The following CNTN5 variants were observed in gnomAD, a reference collection of about 807,000 sequenced individuals.
CNTN5 encodes the protein contactin 5.
A neutral mutation model predicts 129.1 loss-of-function variants in CNTN5; 77 were observed. That is an observed-to-expected ratio of 0.60 (90% CI 0.50 to 0.72). CNTN5 has a LOEUF of 0.72. Among genes scored for constraint, CNTN5 ranks in the 30% least tolerant of loss-of-function variants. The probability of loss-of-function intolerance (pLI) is 0.00; values close to 1 mark genes in which losing one functional copy is unlikely to be tolerated. For synonymous variants in CNTN5, 509 were observed against 465.6 expected, an observed-to-expected ratio of 1.09 and a Z score of -1.20; for missense variants, 1,478 against 1,328.8, an observed-to-expected ratio of 1.11 and a Z score of -1.75.
chr11:99,660,890 T>C (rs1565400512), intron 3 of CNTN5, among the ~76,000 whole-genome samples: 4 of 151,932 alleles, frequency 2.6e-5, no homozygotes. Flanking sequence ...ATTAATATAC[T>C]ATATAAGATT....
At chr11:100,102,943 A>G (rs911538358) in intron 13 of CNTN5, among the ~76,000 whole-genome samples, 5 of 152,226 alleles carry the variant, frequency 3.3e-5, no homozygotes, top group African/African-American at 9.6e-5. Flanking sequence ...TCTTACTCTC[A>G]CCCAATATGA....
intron 2 of CNTN5, among the ~76,000 whole-genome samples, chr11:99,415,383 G>C (rs1227446547): frequency 6.6e-6 from 1 of 152,130 alleles, no homozygotes; most frequent in Non-Finnish European, 1.5e-5. Flanking sequence ...AGGCTTGTCT[G>C]TTCAGCTTCT....
chr11:99,042,955 T>C (rs1003605423), intron 1 of CNTN5, among the ~76,000 whole-genome samples: 3 of 148,586 alleles, frequency 2.0e-5, no homozygotes, highest in Non-Finnish European at 4.4e-5. Flanking sequence ...GATCTATAGC[T>C]CTCTTTGTTG....
intron 1 of CNTN5, among the ~76,000 whole-genome samples, chr11:99,128,266 G>A (rs557762524): frequency 1.3e-5 from 2 of 152,248 alleles, no homozygotes; most frequent in East Asian, 1.9e-4. Context: ...AGGGGTGACC[G>A]CCACTACTGT....
Position 99,271,819 on chromosome 11 carries a change from T to C in CNTN5, c.-209-53527T>C, listed in dbSNP as rs1052080331. 4.6e-5 allele frequency among the ~76,000 whole-genome samples: 7 copies of C among 151,954 alleles called. No homozygotes were observed. The East Asian group carries it at 1.4e-3, about 30-fold the overall frequency. ...TAGCTTGAGTGTCCTCAGTGCTTAG[T>C]AGCTGCCTTGCCCAGACTGACTGAT... On this transcript the variant is annotated intron_variant, in intron 1 of 24. Coordinates refer to ENST00000524871, the MANE Select transcript of CNTN5 (RefSeq NM_014361.4).
chr11:99,119,395 G>A (rs371196538), intron 1 of CNTN5, among the ~76,000 whole-genome samples: 64 of 152,102 alleles, frequency 4.2e-4, no homozygotes, highest in African/African-American at 1.2e-3. Flanking sequence ...ACGGTTTTTG[G>A]TTTTCTGTTG....
At chr11:99,883,198 T>C (rs11221749) in intron 6 of CNTN5, among the ~76,000 whole-genome samples, 22,142 of 152,196 alleles carry the variant, frequency 0.15, 2,990 homozygotes, top group East Asian at 0.71. Context: ...CAGATGTCAC[T>C]TTGACATACT....
intron 3 of CNTN5, among the ~76,000 whole-genome samples, chr11:99,717,060 G>A (rs1300806714): frequency 2.0e-5 from 3 of 151,732 alleles, no homozygotes; most frequent in African/African-American, 7.3e-5. Flanking sequence ...TTTTCCTTTT[G>A]CTTTTTACTC....
At chr11:99,049,632 C>G (rs957481997) in intron 1 of CNTN5, 3 of 152,064 alleles carry the variant, frequency 2.0e-5, no homozygotes, top group Non-Finnish European at 4.4e-5. Context: ...CAGGACCCTC[C>G]CCAGCAATGG....
intron 1 of CNTN5, among the ~76,000 whole-genome samples, chr11:99,095,290 T>C: frequency 6.6e-6 from 1 of 151,986 alleles, no homozygotes; most frequent in East Asian, 1.9e-4. Flanking sequence ...CATCCACTAT[T>C]ACCTCTACTC....
intron 21 of CNTN5, among the ~76,000 whole-genome samples, chr11:100,329,216 G>T (rs966396072): frequency 2.6e-5 from 4 of 152,122 alleles, no homozygotes; most frequent in Admixed American, 6.5e-5. Flanking sequence ...AATCCCCTTG[G>T]GAATATAACT....
At chr11:99,675,848 G>GTATA (rs1953257287) in intron 3 of CNTN5, among the ~76,000 whole-genome samples, 1 of 152,070 alleles carries the variant, frequency 6.6e-6, no homozygotes, top group Admixed American at 6.6e-5. Flanking sequence ...TGTTACCTTA[G>GTATA]TATATCATTT....
chr11:99,403,951 G>A (rs1442634946), intron 2 of CNTN5, among the ~76,000 whole-genome samples: 1 of 152,084 alleles, frequency 6.6e-6, no homozygotes, highest in Non-Finnish European at 1.5e-5. Context: ...TAAAAGTGGG[G>A]TGTTTAAGTC....
chr11:99,416,622 C>T (rs540596534), intron 2 of CNTN5, among the ~76,000 whole-genome samples: 60 of 152,018 alleles, frequency 3.9e-4, no homozygotes, highest in African/African-American at 1.3e-3. Flanking sequence ...TATCTGGGGC[C>T]GGTGTCATGG....
At chr11:99,951,166 C>G (rs1395020868) in intron 7 of CNTN5, among the ~76,000 whole-genome samples, 1 of 151,568 alleles carries the variant, frequency 6.6e-6, no homozygotes, top group African/African-American at 2.4e-5. Context: ...AATGCCTGGT[C>G]TCTGTGATTT....
At chr11:99,526,920 C>T (rs527321163) in intron 2 of CNTN5, among the ~76,000 whole-genome samples, 1 of 152,072 alleles carries the variant, frequency 6.6e-6, no homozygotes, top group African/African-American at 2.4e-5. Context: ...CAGAGAGAAA[C>T]CTTTACACCA....
chr11:100,074,339 G>A, intron 13 of CNTN5, 45 bp downstream of exon 13: 1 of 1,481,538 alleles, frequency 6.7e-7, no homozygotes, highest in South Asian at 1.2e-5. Flanking sequence ...AGACTTTTTT[G>A]AGGTTACAGG....
rs111394496 is a variant in CNTN5, at chr11:100,274,983, C to T, written c.2314+3742C>T. Among the ~76,000 whole-genome samples, 1,331 of 152,104 alleles carry T rather than the reference C, an allele frequency of 8.8e-3. 27 individuals carry two copies. Among genetic ancestry groups the T allele is most frequent in the African/African-American group, 0.031 (1,277 of 41,486 alleles). On this transcript the variant is annotated intron_variant, in intron 18 of 24. Coordinates refer to ENST00000524871, the MANE Select transcript of CNTN5 (RefSeq NM_014361.4). ...TATGTAACAAACCTGCACATGTACC[C>T]GTGAACTTAAAAGTTTAATTGCCAA...
chr11:100,290,930 A>G (rs1950946832), intron 18 of CNTN5, among the ~76,000 whole-genome samples: 1 of 152,018 alleles, frequency 6.6e-6, no homozygotes. Context: ...AAACAACCCC[A>G]TCAAACAGTG....
Sources: allele counts gnomAD v4.1 joint callset (sites outside exome capture counted in the v4.1 genomes callset), GRCh38; gene constraint gnomAD v4.1.1; transcripts MANE v1.5; gene names NCBI Gene and HGNC (gene_info 2026-07-23, HGNC 2026-07-21).